The following TRAF7 variants were observed in gnomAD, a reference collection of about 807,000 sequenced individuals.
TRAF7 encodes the protein E3 ubiquitin-protein ligase TRAF7.
A neutral mutation model predicts 89.3 loss-of-function variants in TRAF7; 45 were observed. The ratio of observed to expected loss-of-function variants is 0.50; its 90% confidence interval spans 0.40 to 0.65. TRAF7 has a LOEUF of 0.65. TRAF7 is among the 30% of genes least tolerant of loss of function. TRAF7 has a pLI of 0.00. For synonymous variants in TRAF7, 406 were observed against 369.2 expected, an observed-to-expected ratio of 1.10 and a Z score of -1.14; for missense variants, 677 against 918.1, an observed-to-expected ratio of 0.74 and a Z score of 3.39.
chr16:2,176,030 C>G lies in TRAF7; in HGVS notation c.1747-19C>G, dbSNP rs202166243. 1 of 1,607,892 alleles carries G rather than the reference C, an allele frequency of 6.2e-7. No individual in the cohort carries two copies. Among genetic ancestry groups the G allele is most frequent in the South Asian group, 1.1e-5 (1 of 90,672 alleles). On this transcript the variant is annotated intron_variant, in intron 18 of 20. Transcript: ENST00000326181. ...GCCTTGCTCAGTGTCTTTGACCTGC[C>G]TGTGCCCACCCCTCCCAGGTGTGGG...
At chr16:2,171,971 C>T (rs1353905745) in intron 7 of TRAF7, among the ~76,000 whole-genome samples, 3 of 152,210 alleles carry the variant, frequency 2.0e-5, no homozygotes, top group Non-Finnish European at 4.4e-5. Context: ...GCCCTCTTGG[C>T]CCCACCCCAC....
In TRAF7 at chr16:2,177,744, C is replaced by A; in HGVS notation, c.*1170C>A. 4.1e-6 allele frequency: 1 copy of A among 244,040 alleles called. No homozygotes were observed. Among genetic ancestry groups the A allele is most frequent in the Non-Finnish European group, 8.1e-6 (1 of 123,972 alleles). The allele number at this position is 244,040 out of a possible 1,614,324, so 15.1% of individuals were successfully genotyped here. On this transcript the variant is annotated 3_prime_UTR_variant, in exon 21 of 21. Transcript: ENST00000326181. ...CACCCACATTCACCAAACCCACCCG[C>A]GCCCTGGGACGCAGCCACGCCAGGA...
intron 5 of TRAF7, among the ~76,000 whole-genome samples, 194 bp from the exon 6 acceptor site, chr16:2,171,070 G>A (rs1309272494): frequency 6.6e-6 from 1 of 152,222 alleles, no homozygotes; most frequent in East Asian, 1.9e-4. Context: ...GTTGGGCCCT[G>A]CCTCTGGGGC....
intron 2 of TRAF7, among the ~76,000 whole-genome samples, chr16:2,164,510 C>G (rs1180662515): frequency 3.6e-5 from 4 of 110,910 alleles, no homozygotes; most frequent in Admixed American, 9.6e-5. Flanking sequence ...GCTACGTGGC[C>G]TGGCCTGGTC....
At chr16:2,170,889 C>T (rs1260577267) in intron 5 of TRAF7, among the ~76,000 whole-genome samples, 159 bp downstream of exon 5, 2 of 152,194 alleles carry the variant, frequency 1.3e-5, no homozygotes, top group Non-Finnish European at 2.9e-5. Flanking sequence ...GGTGGGGACT[C>T]GAGGGACCAG....
At chr16:2,170,335 A>G (rs2093103304) in intron 4 of TRAF7, among the ~76,000 whole-genome samples, 1 of 152,232 alleles carries the variant, frequency 6.6e-6, no homozygotes, top group African/African-American at 2.4e-5. Context: ...ATGGAATTGA[A>G]TAGCAGGAAG....
chr16:2,165,989 A>C, intron 3 of TRAF7, 53 bp downstream of exon 3: 1 of 1,606,600 alleles, frequency 6.2e-7, no homozygotes, highest in South Asian at 1.1e-5. Flanking sequence ...GGGCACCCCC[A>C]TGCCCACCCT....
intron 1 of TRAF7, among the ~76,000 whole-genome samples, chr16:2,157,128 C>T (rs901075221): frequency 4.6e-5 from 7 of 151,572 alleles, no homozygotes; most frequent in Admixed American, 6.6e-5. Flanking sequence ...CCCTAGCCCT[C>T]GCCAAGTGAG....
intron 1 of TRAF7, among the ~76,000 whole-genome samples, chr16:2,157,159 C>T (rs2093038484): frequency 6.6e-6 from 1 of 152,012 alleles, no homozygotes; most frequent in South Asian, 2.1e-4. Context: ...CTTCCTCATT[C>T]CTTCTCTTTG....
chr16:2,171,319 G>A lies in TRAF7; in HGVS notation c.404G>A (p.Cys135Tyr). Residue 135 changes from cysteine to tyrosine, a missense_variant, in exon 6 of 21, where the codon TGC becomes TAC. Physicochemically the swap from Cys to Tyr is radical, Grantham distance 194. This residue lies in a region of TRAF7 where 240 missense variants were observed against 191.9 expected (regional missense o/e 1.25). Transcript: ENST00000326181. ...GTGAAGCTGTGCTGTCAGCTCTGCT[G>A]CAGCGTCTTCAAAGACCCCGTGATC... is the stretch of plus-strand genomic sequence containing the variant. ...PSVKLCCQLC[C>Y]SVFKDPVITT... The A allele has an allele frequency of 6.4e-7, 1 of 1,555,562 alleles. No individual in the cohort carries two copies. The highest frequency in any genetic ancestry group is 1.2e-5 in the South Asian group (1 of 84,678).
chr16:2,166,752 C>T (rs1201743034), intron 3 of TRAF7, among the ~76,000 whole-genome samples: 2 of 152,220 alleles, frequency 1.3e-5, no homozygotes, highest in Non-Finnish European at 2.9e-5. Context: ...ACGACAGAAA[C>T]CTGAAGCTTC....
At position 2,173,482 on chromosome 16, in the gene TRAF7, C is replaced by T. The variant is rs201641425; in HGVS notation, c.1014C>T (p.Asp338=). The change falls in exon 11 of 21, where the codon GAC becomes GAT. Residue 338 remains aspartate (D), a splice_region_variant and synonymous_variant. Coordinates refer to ENST00000326181, the MANE Select transcript of TRAF7 (RefSeq NM_032271.3). ...ACCCCCTCTCCTCCTGCTACTCAGA[C>T]GTCCTGGACGAAAACCAGAGCAAGC... ...QLEKSLELKF[D]VLDENQSKLS... The T allele has an allele frequency of 1.5e-5, 24 of 1,613,224 alleles. No individual in the cohort carries two copies. The highest frequency in any genetic ancestry group is 1.9e-5 in the Non-Finnish European group (23 of 1,179,924).
intron 9 of TRAF7, among the ~76,000 whole-genome samples, 195 bp from the exon 10 acceptor site, chr16:2,172,987 G>T (rs973249111): frequency 6.6e-6 from 1 of 152,080 alleles, no homozygotes; most frequent in African/African-American, 2.4e-5. Context: ...CTGCGGGGGT[G>T]ACGTGATGGG....
intron 1 of TRAF7, among the ~76,000 whole-genome samples, chr16:2,160,451 AGGCAGGCGGTGTGGATGGGCGGGCG>A (rs1567245297): frequency 2.2e-5 from 3 of 138,010 alleles, no homozygotes; most frequent in African/African-American, 8.2e-5. Context: ...TGGTGTGGAC[AGGCAGGCGGTGTGGATGGGCGGGCG>A]GTGTGGACGG....
intron 1 of TRAF7, among the ~76,000 whole-genome samples, chr16:2,160,257 G>A (rs2093052159): frequency 6.6e-6 from 1 of 151,976 alleles, no homozygotes; most frequent in Non-Finnish European, 1.5e-5. Context: ...GGACGGTGGG[G>A]GGCCAATCCT....
At position 2,158,367 on chromosome 16, in the gene TRAF7, C is replaced by T. The variant is rs779081713; in HGVS notation, c.-39+2509C>T. Among the ~76,000 whole-genome samples the T allele has an allele frequency of 7.2e-5, 11 of 152,186 alleles. No homozygotes were observed. Among genetic ancestry groups the T allele is most frequent in the South Asian group, 2.1e-4 (1 of 4,832 alleles). ...AGGTGGGGCAGGTGAAAGGGGAAAGCGGGCACTGGAGGCTGGGGCTGGTCA... is the reference window on the plus strand; with the variant it reads ...AGGTGGGGCAGGTGAAAGGGGAAAGTGGGCACTGGAGGCTGGGGCTGGTCA... On this transcript the variant is annotated intron_variant, in intron 1 of 20. Coordinates refer to ENST00000326181, the MANE Select transcript of TRAF7 (RefSeq NM_032271.3). The surrounding 1 kb of genome is among the most constrained non-coding windows in gnomAD (Gnocchi z 4.7).
intron 18 of TRAF7, 48 bp downstream of exon 18, chr16:2,176,001 C>T (rs764488087): frequency 6.2e-7 from 1 of 1,611,270 alleles, no homozygotes; most frequent in South Asian, 1.1e-5. Flanking sequence ...GCCCCGTCTC[C>T]CCCGCCTTGC....
intron 12 of TRAF7, 23 bp downstream of exon 12, chr16:2,173,859 T>TGGGCGGG: frequency 1.6e-6 from 2 of 1,246,240 alleles, no homozygotes; most frequent in Non-Finnish European, 2.2e-6. Flanking sequence ...CCGCCGTGGC[T>TGGGCGGG]CCCGCCCACC....
At chr16:2,173,859 TCCCGCC>T in intron 12 of TRAF7, 23 bp downstream of exon 12, 1 of 1,246,244 alleles carries the variant, frequency 8.0e-7, no homozygotes, top group Non-Finnish European at 1.1e-6. Context: ...CCGCCGTGGC[TCCCGCC>T]CACCCTCCCC....
Sources: allele counts gnomAD v4.1 joint callset (sites outside exome capture counted in the v4.1 genomes callset), GRCh38; gene constraint gnomAD v4.1.1; regional missense constraint gnomAD v4.1.1; non-coding constraint Gnocchi (gnomAD v3.1); transcripts MANE v1.5; gene names NCBI Gene and HGNC (gene_info 2026-07-23, HGNC 2026-07-21).